Variants in AGGF1 observed in about 807,000 individuals in gnomAD.
The protein encoded by AGGF1 is angiogenic factor with G-patch and FHA domains 1.
Under a neutral mutation model 86.5 loss-of-function variants are expected in AGGF1, and 56 were observed. That is an observed-to-expected ratio of 0.65 (90% CI 0.52 to 0.81). The LOEUF (loss-of-function observed/expected upper bound fraction) is 0.81. AGGF1 is among the 30% of genes least tolerant of loss of function. AGGF1 has a pLI of 0.00. For missense variants in AGGF1, 816 were observed against 850.9 expected, an observed-to-expected ratio of 0.96 and a Z score of 0.51; for synonymous variants, 313 against 297.1, an observed-to-expected ratio of 1.05 and a Z score of -0.55.
rs569478154 is a variant in AGGF1, at chr5:77,032,606, TATAACAGCCTTTTTTAC to T, written c.210+1633_210+1649del. ...AAAAAATGGGGAGACGGGAGCAAAATATAACAGCCTTTTTTACATGACAGCCTTTTGAAAAGCTCCTT... is the reference window on the plus strand; with the variant it reads ...AAAAAATGGGGAGACGGGAGCAAAATATGACAGCCTTTTGAAAAGCTCCTT... On this transcript the variant is annotated intron_variant, in intron 1 of 13. Transcript: ENST00000312916. 3.1e-3 allele frequency among the ~76,000 whole-genome samples: 436 copies of T among 139,796 alleles called. 6 individuals carry two copies. The highest frequency in any genetic ancestry group is 0.011 in the African/African-American group (414 of 37,456). The allele number at this position is 139,796 out of a possible 152,430, so 91.7% of individuals were successfully genotyped here.
At chr5:77,059,236 T>A (rs1011573982) in intron 11 of AGGF1, among the ~76,000 whole-genome samples, 1 of 152,222 alleles carries the variant, frequency 6.6e-6, no homozygotes, top group African/African-American at 2.4e-5. Context: ...CATGTCATCT[T>A]CTTATGTATA....
At chr5:77,036,782 G>A (rs991061632) in intron 4 of AGGF1, 62 bp downstream of exon 4, 36 of 1,569,876 alleles carry the variant, frequency 2.3e-5, no homozygotes, top group East Asian at 1.6e-4. Context: ...CTGTCACCCC[G>A]GCTGGAGTGC....
chr5:77,043,699 C>T (rs1225378766), intron 5 of AGGF1, among the ~76,000 whole-genome samples: 27 of 138,828 alleles, frequency 1.9e-4, no homozygotes, highest in African/African-American at 5.0e-4. Context: ...ACCTCCCTCC[C>T]GGACGGGGTG....
intron 8 of AGGF1, among the ~76,000 whole-genome samples, chr5:77,051,017 T>A (rs1004741903): frequency 7.9e-5 from 12 of 152,162 alleles, no homozygotes; most frequent in Admixed American, 7.2e-4. Flanking sequence ...TTAGAAAAGC[T>A]TTTTGGAATA....
At chr5:77,043,210 G>C (rs1747158500) in intron 5 of AGGF1, among the ~76,000 whole-genome samples, 2 of 53,474 alleles carry the variant, frequency 3.7e-5, no homozygotes, top group African/African-American at 1.3e-4. Flanking sequence ...CTCCCGGACG[G>C]GGCGGCTGGC....
chr5:77,046,740 A>G, intron 6 of AGGF1, 63 bp downstream of exon 6: 1 of 1,439,834 alleles, frequency 6.9e-7, no homozygotes, highest in Non-Finnish European at 9.8e-7. Context: ...GAGCAAAACC[A>G]TTAAAAATGT....
At chr5:77,034,655 G>C in intron 2 of AGGF1, 135 bp downstream of exon 2, 1 of 686,516 alleles carries the variant, frequency 1.5e-6, no homozygotes, top group South Asian at 1.6e-5. Flanking sequence ...CTCTCCATAT[G>C]ATAATGGTAT....
chr5:77,049,304 A>T (rs1272621187), intron 8 of AGGF1, among the ~76,000 whole-genome samples: 1 of 152,190 alleles, frequency 6.6e-6, no homozygotes, highest in Non-Finnish European at 1.5e-5. Context: ...CCTTTAAAAA[A>T]TGAATCTTAC....
intron 4 of AGGF1, among the ~76,000 whole-genome samples, chr5:77,038,079 T>C (rs1187957017): frequency 1.3e-5 from 2 of 152,220 alleles, no homozygotes; most frequent in Non-Finnish European, 2.9e-5. Flanking sequence ...ACTGGAACTA[T>C]TGTTATCTAG....
intron 5 of AGGF1, among the ~76,000 whole-genome samples, chr5:77,045,284 A>G (rs1747224297): frequency 1.3e-5 from 2 of 152,200 alleles, no homozygotes; most frequent in Admixed American, 6.5e-5. Context: ...GTTAATAACA[A>G]TGTGTTGTAT....
chr5:77,035,306 TTTC>T (rs1378517847), intron 2 of AGGF1, among the ~76,000 whole-genome samples: 1 of 152,188 alleles, frequency 6.6e-6, no homozygotes, highest in Non-Finnish European at 1.5e-5. Flanking sequence ...ACCTTTTTTT[TTTC>T]TTTTTAACTG....
At chr5:77,062,201 T>A (rs538227858) in intron 13 of AGGF1, among the ~76,000 whole-genome samples, 1 of 152,358 alleles carries the variant, frequency 6.6e-6, no homozygotes, top group African/African-American at 2.4e-5. Flanking sequence ...ACATGAAATA[T>A]AGAGAATAAT....
At chr5:77,043,587 A>ACCC (rs1272861911) in intron 5 of AGGF1, among the ~76,000 whole-genome samples, 2 of 18,070 alleles carry the variant, frequency 1.1e-4, no homozygotes, top group African/African-American at 1.8e-4. Context: ...CGGGGGGCTG[A>ACCC]CCCCCCCCCC....
In AGGF1 at chr5:77,030,860, T is replaced by A; in HGVS notation, c.94T>A (p.Leu32Met). 6.2e-7 allele frequency: 1 copy of A among 1,613,096 alleles called. No individual in the cohort carries two copies. The highest frequency in any genetic ancestry group is 1.7e-5 in the Admixed American group (1 of 60,030). The change falls in exon 1 of 14, where the codon TTG (leucine) becomes ATG (methionine). Residue 32 changes from leucine to methionine, a missense_variant. This residue lies in a region of AGGF1 where 240 missense variants were observed against 234.4 expected (regional missense o/e 1.02). Transcript: ENST00000312916. The part of the protein sequence containing the change: ...LAQLRRKVEK[L>M]ERELRSCKRQ... Reference sequence around the variant, plus strand: ...CCAGCTAAGGCGGAAGGTGGAGAAGTTGGAACGTGAACTGCGGAGCTGCAA... The same window carrying A: ...CCAGCTAAGGCGGAAGGTGGAGAAGATGGAACGTGAACTGCGGAGCTGCAA...
chr5:77,039,111 T>C (rs1255146734), intron 4 of AGGF1, among the ~76,000 whole-genome samples: 1 of 152,170 alleles, frequency 6.6e-6, no homozygotes, highest in East Asian at 1.9e-4. Context: ...CACACCATTA[T>C]TGTGCAGTCA....
At chr5:77,044,582 C>G (rs1747210073) in intron 5 of AGGF1, among the ~76,000 whole-genome samples, 1 of 152,052 alleles carries the variant, frequency 6.6e-6, no homozygotes, top group South Asian at 2.1e-4. Flanking sequence ...AAATAGCTTT[C>G]CCTGCATATG....
rs1367404137 is a variant in AGGF1 at position 77,030,696 on chromosome 5, G to A, written c.-71G>A. The A allele has an allele frequency of 2.1e-5, 32 of 1,504,812 alleles. No individual in the cohort carries two copies. The highest frequency in any genetic ancestry group is 2.8e-5 in the Non-Finnish European group (31 of 1,122,768). 93.2% of individuals were successfully genotyped at this position (1,504,812 alleles called of 1,614,324 possible). On this transcript the variant is annotated 5_prime_UTR_variant, in exon 1 of 14. Transcript: ENST00000312916. ...CTGCCCGCGCGCTCCAGTGGTCTCT[G>A]GGTCCGCCGGCGTCCGTTTCGGCCT... is the stretch of plus-strand genomic sequence containing the variant.
chr5:77,063,456 T>G lies in AGGF1; in HGVS notation c.*204T>G, dbSNP rs1297769828. The G allele has an allele frequency of 1.7e-6, 1 of 583,154 alleles. No homozygotes were observed. Among genetic ancestry groups the G allele is most frequent in the African/African-American group, 1.9e-5 (1 of 53,428 alleles). 36.1% of individuals were successfully genotyped at this position (583,154 alleles called of 1,614,324 possible). A position where few individuals can be genotyped will look rare whatever the true frequency, so the allele number is the denominator to read the frequency against. On this transcript the variant is annotated 3_prime_UTR_variant, in exon 14 of 14. Coordinates refer to ENST00000312916, the MANE Select transcript of AGGF1 (RefSeq NM_018046.5). ...TGACTGAACCAATTTATGCAGTAAA[T>G]AGACTAAAGTTCACAGGGCACGGAT... is the stretch of plus-strand genomic sequence containing the variant.
In AGGF1 at chr5:77,035,716, A is replaced by G. The variant is rs1436047216; in HGVS notation, c.489A>G (p.Gln163=). The change falls in exon 3 of 14, where the codon CAA becomes CAG. Residue 163 remains glutamine, a synonymous_variant. Transcript: ENST00000312916. ...TDRTENVKYR[Q]VDHFASNSQE... ...GAACAGAAAATGTTAAATATAGACA[A>G]GTGGACCATTTTGCCTCAAATTCAC... The G allele has an allele frequency of 3.7e-6, 6 of 1,613,526 alleles. No homozygotes were observed. Among genetic ancestry groups the G allele is most frequent in the Non-Finnish European group, 5.1e-6 (6 of 1,179,720 alleles).
Sources: gnomAD v4.1 joint callset for allele counts (sites outside exome capture counted in the v4.1 genomes callset) on GRCh38, gnomAD v4.1.1 for gene constraint, gnomAD v4.1.1 regional missense constraint, MANE v1.5 for transcripts, NCBI Gene and HGNC (gene_info 2026-07-23, HGNC 2026-07-21) for gene names.